ZEB1: variants seen among roughly 807,000 people sequenced by gnomAD.
The protein encoded by ZEB1 is zinc finger E-box-binding homeobox 1.
ZEB1 carries 21 observed loss-of-function variants against 84.9 expected under a neutral mutation model. That is an observed-to-expected ratio of 0.25 (90% CI 0.18 to 0.36). ZEB1 has a LOEUF of 0.36. Among genes scored for constraint, ZEB1 ranks in the 10% least tolerant of loss-of-function variants. The pLI is 1.00. For synonymous variants in ZEB1, 420 were observed against 471.1 expected (o/e 0.89, Z 1.41); for missense variants, 1,104 against 1,330.2 (o/e 0.83, Z 2.65).
chr10:31,376,761 G>A (rs758596633), intron 1 of ZEB1, among the ~76,000 whole-genome samples: 1 of 151,586 alleles, frequency 6.6e-6, no homozygotes, highest in Non-Finnish European at 1.5e-5. Context: ...ATATGAAAAT[G>A]CTAGAAGAGT....
intron 2 of ZEB1, among the ~76,000 whole-genome samples, chr10:31,469,069 T>A (rs909518018): frequency 3.3e-5 from 5 of 152,108 alleles, no homozygotes; most frequent in South Asian, 2.1e-4. Flanking sequence ...ATATATTTTT[T>A]AAAAAACAAA....
chr10:31,363,509 T>A (rs1244745827), intron 1 of ZEB1: 2 of 1,530,134 alleles, frequency 1.3e-6, no homozygotes, highest in Admixed American at 3.9e-5. Context: ...GCTTCCCCAT[T>A]GCTACAGGGG....
Position 31,510,862 on chromosome 10 carries a change from CA to C in ZEB1, c.675del (p.Gly226GlufsTer7). 6.2e-7 allele frequency: 1 copy of C among 1,613,752 alleles called. No homozygotes were observed. Among genetic ancestry groups the C allele is most frequent in the Non-Finnish European group, 8.5e-7 (1 of 1,179,832 alleles). On this transcript the variant is annotated frameshift_variant, in exon 5 of 9. Coordinates refer to ENST00000424869, the MANE Select transcript of ZEB1 (RefSeq NM_001174096.2). LOFTEE classifies it high-confidence loss of function. Reference sequence around the variant, plus strand: ...GAACGTCACATGACATCACATAAATCAGGAAGAGATCAAGTAAGTGCAATGA... The same window carrying C: ...GAACGTCACATGACATCACATAAATCGGAAGAGATCAAGTAAGTGCAATGA... ...QLERHMTSHK[S>X]GRDQRHVTQS...
chr10:31,524,136 A>C (rs1218729519), intron 8 of ZEB1, 23 bp downstream of exon 8: 2 of 1,610,632 alleles, frequency 1.2e-6, no homozygotes, highest in African/African-American at 2.7e-5. Context: ...ACACAAACAT[A>C]AAGTGTCCAT....
At chr10:31,478,198 A>G (rs1286667585) in intron 2 of ZEB1, among the ~76,000 whole-genome samples, 2 of 152,076 alleles carry the variant, frequency 1.3e-5, no homozygotes, top group Non-Finnish European at 2.9e-5. Context: ...GTCAAAGGAC[A>G]TGGACAGACA....
chr10:31,385,261 A>G (rs2048407900), intron 1 of ZEB1, among the ~76,000 whole-genome samples: 1 of 152,202 alleles, frequency 6.6e-6, no homozygotes, highest in Non-Finnish European at 1.5e-5. Context: ...GGTTTTGACC[A>G]TACAGCAAAT....
chr10:31,503,394 G>A (rs769987587), intron 4 of ZEB1, among the ~76,000 whole-genome samples: 20 of 151,876 alleles, frequency 1.3e-4, no homozygotes, highest in African/African-American at 4.1e-4. Flanking sequence ...TCATATCAGC[G>A]ACATTTGTTT....
rs892125653 is a variant in ZEB1 at position 31,510,873 on chromosome 10, C to G, written c.685C>G (p.Gln229Glu). 1.9e-6 allele frequency: 3 copies of G among 1,613,354 alleles called. No individual in the cohort carries two copies. In the African/African-American group the frequency reaches 4.0e-5, roughly 22 times the overall value. Residue 229 changes from glutamine (Q) to glutamate (E), a missense_variant and splice_region_variant, in exon 5 of 9, where the codon CAA becomes GAA. Physicochemically the swap from Gln to Glu is conservative, Grantham distance 29. This residue lies in a region of ZEB1 where 71 missense variants were observed against 119.1 expected (regional missense o/e 0.60). Coordinates refer to ENST00000424869, the MANE Select transcript of ZEB1 (RefSeq NM_001174096.2). ...HMTSHKSGRD[Q>E]RHVTQSGCNR... is the part of the protein sequence containing the mutation. ...GACATCACATAAATCAGGAAGAGAT[C>G]AAGTAAGTGCAATGACTGAGAGTTC...
chr10:31,319,387 C>T, intron 1 of ZEB1, 95 bp downstream of exon 1: 2 of 1,258,496 alleles, frequency 1.6e-6, no homozygotes, highest in Non-Finnish European at 2.3e-6. Context: ...GGGCTGGGGG[C>T]AGCCGGGGCA....
intron 1 of ZEB1, among the ~76,000 whole-genome samples, chr10:31,347,746 T>C (rs937266686): frequency 3.3e-5 from 5 of 152,272 alleles, no homozygotes; most frequent in African/African-American, 9.6e-5. Flanking sequence ...TCATAAATAC[T>C]AGATGGGAAT....
At chr10:31,364,012 CA>C (rs1351281781) in intron 1 of ZEB1, among the ~76,000 whole-genome samples, 7 of 152,202 alleles carry the variant, frequency 4.6e-5, no homozygotes, top group African/African-American at 1.7e-4. Flanking sequence ...GGACCTGCGG[CA>C]GAACCAGGAA....
intron 1 of ZEB1, among the ~76,000 whole-genome samples, chr10:31,372,159 CA>C (rs1192150834): frequency 6.6e-6 from 1 of 152,002 alleles, no homozygotes; most frequent in East Asian, 1.9e-4. Flanking sequence ...AATTCAGAAA[CA>C]TTTTTTAAGG....
intron 2 of ZEB1, among the ~76,000 whole-genome samples, chr10:31,469,901 G>A (rs1240530009): frequency 6.6e-6 from 1 of 152,216 alleles, no homozygotes; most frequent in African/African-American, 2.4e-5. Flanking sequence ...GTGGGTCCCT[G>A]ACCCCTAACC....
chr10:31,469,924 A>G (rs2062975789), intron 2 of ZEB1, among the ~76,000 whole-genome samples: 2 of 152,182 alleles, frequency 1.3e-5, no homozygotes, highest in African/African-American at 4.8e-5. Flanking sequence ...CGAGCAGCCT[A>G]ACTGGGAGGC....
intron 1 of ZEB1, among the ~76,000 whole-genome samples, chr10:31,331,459 G>A (rs1278981148): frequency 2.0e-5 from 3 of 152,088 alleles, no homozygotes; most frequent in African/African-American, 7.2e-5. Flanking sequence ...CCATTTATCT[G>A]GGCCTATGTT....
chr10:31,518,500 T>G (rs2071618717), intron 6 of ZEB1, among the ~76,000 whole-genome samples: 1 of 152,134 alleles, frequency 6.6e-6, no homozygotes, highest in Non-Finnish European at 1.5e-5. Context: ...AGCCTGTCTC[T>G]TAGTAGAATT....
chr10:31,439,990 A>G (rs149727674), intron 1 of ZEB1, among the ~76,000 whole-genome samples: 18 of 152,344 alleles, frequency 1.2e-4, no homozygotes, highest in Non-Finnish European at 2.4e-4. Flanking sequence ...GGCAGCACGG[A>G]GACCAGATAG....
At chr10:31,401,171 G>A (rs2051914155) in intron 1 of ZEB1, among the ~76,000 whole-genome samples, 1 of 152,190 alleles carries the variant, frequency 6.6e-6, no homozygotes. Context: ...TAGGGCTTAT[G>A]AGGAAAATGG....
At chr10:31,508,259 C>T (rs1339324685) in intron 4 of ZEB1, among the ~76,000 whole-genome samples, 1 of 152,096 alleles carries the variant, frequency 6.6e-6, no homozygotes, top group Non-Finnish European at 1.5e-5. Flanking sequence ...TTGGGCTGAT[C>T]CTTGGAACTC....
Sources: gnomAD v4.1 joint callset for allele counts (sites outside exome capture counted in the v4.1 genomes callset) on GRCh38, gnomAD v4.1.1 for gene constraint, gnomAD v4.1.1 regional missense constraint, MANE v1.5 for transcripts, NCBI Gene and HGNC (gene_info 2026-07-23, HGNC 2026-07-21) for gene names.